HPSE2: variants seen among roughly 807,000 people sequenced by gnomAD.
HPSE2 encodes heparanase 2 (inactive), also known as inactive heparanase-2.
HPSE2 carries 38 observed loss-of-function variants against 60.5 expected under a neutral mutation model. The ratio of observed to expected loss-of-function variants is 0.63; its 90% confidence interval spans 0.48 to 0.82. HPSE2 has a LOEUF of 0.82. HPSE2 is among the 40% of genes least tolerant of loss of function. The probability of loss-of-function intolerance (pLI) is 0.00; values close to 1 mark genes in which losing one functional copy is unlikely to be tolerated. For synonymous variants in HPSE2, 295 were observed against 293.2 expected, an observed-to-expected ratio of 1.01 and a Z score of -0.06; for missense variants, 713 against 740.4, an observed-to-expected ratio of 0.96 and a Z score of 0.43.
At chr10:98,913,050 T>C (rs971649113) in intron 3 of HPSE2, among the ~76,000 whole-genome samples, 6 of 152,162 alleles carry the variant, frequency 3.9e-5, no homozygotes, top group Non-Finnish European at 7.4e-5. Flanking sequence ...ACCCCATAAA[T>C]ATATATACCT....
intron 3 of HPSE2, among the ~76,000 whole-genome samples, chr10:99,034,220 C>A (rs1345553976): frequency 1.3e-5 from 2 of 151,954 alleles, no homozygotes; most frequent in African/African-American, 4.8e-5. Context: ...ATGAAAGAAA[C>A]CAGATCCAAA....
intron 9 of HPSE2, among the ~76,000 whole-genome samples, chr10:98,560,686 T>A (rs1477964554): frequency 6.6e-6 from 1 of 152,230 alleles, no homozygotes; most frequent in Non-Finnish European, 1.5e-5. Flanking sequence ...AGTACAGTCA[T>A]GCACTGCATA....
intron 2 of HPSE2, among the ~76,000 whole-genome samples, chr10:99,186,673 C>CA (rs1442049056): frequency 6.7e-6 from 1 of 150,182 alleles, no homozygotes; most frequent in Non-Finnish European, 1.5e-5. Flanking sequence ...CCATACTATG[C>CA]AAAAAATCCT....
chr10:98,609,127 G>T (rs992547752), intron 9 of HPSE2, among the ~76,000 whole-genome samples: 2 of 152,240 alleles, frequency 1.3e-5, no homozygotes, highest in African/African-American at 2.4e-5. Flanking sequence ...TAAAGATTCA[G>T]CTCAGGCATT....
chr10:99,000,413 A>G (rs1290052900), intron 3 of HPSE2, among the ~76,000 whole-genome samples: 1 of 152,196 alleles, frequency 6.6e-6, no homozygotes, highest in African/African-American at 2.4e-5. Flanking sequence ...AGATTTGTCC[A>G]TCATCTTTAC....
intron 2 of HPSE2, among the ~76,000 whole-genome samples, chr10:99,190,803 G>A (rs1165833715): frequency 2.0e-5 from 3 of 152,186 alleles, no homozygotes; most frequent in Non-Finnish European, 2.9e-5. Flanking sequence ...CAGTGGAACA[G>A]AGCACCAGGC....
At chr10:99,173,049 CT>C (rs11368182) in intron 2 of HPSE2, among the ~76,000 whole-genome samples, 86,815 of 151,778 alleles carry the variant, frequency 0.57, 27,529 homozygotes, top group Non-Finnish European at 0.73. Flanking sequence ...TTTCCACTTG[CT>C]GTCATACTCA....
chr10:98,790,066 A>T (rs1950623240), intron 3 of HPSE2, among the ~76,000 whole-genome samples: 1 of 152,160 alleles, frequency 6.6e-6, no homozygotes, highest in Non-Finnish European at 1.5e-5. Context: ...GATGAGAGAA[A>T]GTCAGAGAAT....
intron 3 of HPSE2, among the ~76,000 whole-genome samples, chr10:99,080,297 CA>C (rs974740571): frequency 2.0e-5 from 3 of 151,290 alleles, no homozygotes; most frequent in African/African-American, 7.3e-5. Context: ...TTATCTTAGC[CA>C]AAAAAAACCA....
chr10:98,676,666 C>G (rs987220925), intron 6 of HPSE2, among the ~76,000 whole-genome samples: 17 of 152,164 alleles, frequency 1.1e-4, no homozygotes, highest in African/African-American at 4.1e-4. Context: ...TCATGTAGAA[C>G]ACTGTTCACT....
chr10:99,165,374 T>C (rs1227872382), intron 2 of HPSE2, among the ~76,000 whole-genome samples: 1 of 152,116 alleles, frequency 6.6e-6, no homozygotes, highest in Non-Finnish European at 1.5e-5. Flanking sequence ...GATTGTGCCA[T>C]TCATCACAAT....
chr10:98,963,254 C>G (rs1955727529), intron 3 of HPSE2, among the ~76,000 whole-genome samples: 1 of 151,992 alleles, frequency 6.6e-6, no homozygotes, highest in Admixed American at 6.6e-5. Context: ...TTTAAAAGTT[C>G]AAATATAATT....
chr10:98,962,443 A>G (rs1955702077), intron 3 of HPSE2, among the ~76,000 whole-genome samples: 1 of 152,034 alleles, frequency 6.6e-6, no homozygotes, highest in African/African-American at 2.4e-5. Context: ...TAGTAATAAG[A>G]GCTATTTATG....
intron 3 of HPSE2, among the ~76,000 whole-genome samples, chr10:98,927,072 G>T (rs1032994416): frequency 2.6e-5 from 4 of 151,354 alleles, no homozygotes; most frequent in African/African-American, 9.8e-5. Flanking sequence ...TGAAAAAAAT[G>T]TATATTCTGT....
At position 98,879,077 on chromosome 10, in the gene HPSE2, T is replaced by C. The variant is rs72836750; in HGVS notation, c.611-135021A>G. ...GAGGAAGACAAAATAAATCCAACTT[T>C]GATAACATTACACTTGACATGCCTG... On this transcript the variant is annotated intron_variant, in intron 3 of 11. Coordinates refer to ENST00000370552, the MANE Select transcript of HPSE2 (RefSeq NM_021828.5). Among the ~76,000 whole-genome samples, 1,005 of 152,132 alleles carry C rather than the reference T, an allele frequency of 6.6e-3. 7 individuals carry two copies. The highest frequency in any genetic ancestry group is 0.027 in the South Asian group (132 of 4,830).
chr10:98,954,974 ATATTTATATATATATATACATATT>A (rs1312421775), intron 3 of HPSE2, among the ~76,000 whole-genome samples: 1 of 60,122 alleles, frequency 1.7e-5, no homozygotes. Flanking sequence ...ATATATATAC[ATATTTATATATATATATACATATT>A]TATTTATATA....
chr10:99,297,089 G>T, the HPSE2 span, among the ~76,000 whole-genome samples: 2 of 152,216 alleles, frequency 1.3e-5, no homozygotes, highest in Non-Finnish European at 2.9e-5. Context: ...AGAGCAAGCA[G>T]CCACAGTTCC....
intron 9 of HPSE2, among the ~76,000 whole-genome samples, chr10:98,508,600 G>A (rs1001732076): frequency 2.6e-5 from 4 of 152,196 alleles, no homozygotes; most frequent in East Asian, 1.9e-4. Flanking sequence ...TAGTGCTAAT[G>A]GTAAGAAGAA....
At chr10:98,940,184 A>C (rs1221432816) in intron 3 of HPSE2, among the ~76,000 whole-genome samples, 1 of 143,788 alleles carries the variant, frequency 7.0e-6, no homozygotes, top group African/African-American at 2.8e-5. Context: ...TAGAGAAGCA[A>C]GAACAAACAC....
Sources: gnomAD v4.1 joint callset for allele counts (sites outside exome capture counted in the v4.1 genomes callset) on GRCh38, gnomAD v4.1.1 for gene constraint, MANE v1.5 for transcripts, NCBI Gene and HGNC (gene_info 2026-07-23, HGNC 2026-07-21) for gene names.